The following HSPBP1 variants were observed in gnomAD, a reference collection of about 807,000 sequenced individuals.
HSPBP1 encodes HSPA (Hsp70) binding protein 1.
Under a neutral mutation model 41.7 loss-of-function variants are expected in HSPBP1, and 31 were observed. The observed-to-expected ratio is 0.74, with a 90% CI of 0.56 to 1.00. The LOEUF is 1.00. Ranked by LOEUF, HSPBP1 falls within the 50% of genes least tolerant of loss-of-function variation. The probability of loss-of-function intolerance (pLI) is 0.00; values close to 1 mark genes in which losing one functional copy is unlikely to be tolerated. For missense variants in HSPBP1, 439 were observed against 487.9 expected (o/e 0.90, Z 0.94); for synonymous variants, 199 against 214.4 (o/e 0.93, Z 0.63).
chr19:55,279,768 C>T (rs1183965946), intron 1 of HSPBP1, 66 bp from the exon 2 acceptor site: 2 of 1,514,382 alleles, frequency 1.3e-6, no homozygotes, highest in Non-Finnish European at 1.8e-6. Context: ...ACTCTGCCCC[C>T]AGCCCACTTA....
At position 55,265,232 on chromosome 19, in the gene HSPBP1, C is replaced by G. The variant is rs752101342; in HGVS notation, c.1005+46G>C. ...GTCCTCCTGGAGCCCTTGTCCCCTC[C>G]CCCTTGCACCTGGTCCTCCTTGCAC... On this transcript the variant is annotated intron_variant, in intron 7 of 7. Coordinates refer to ENST00000433386, the MANE Select transcript of HSPBP1 (RefSeq NM_012267.5). The G allele has an allele frequency of 4.0e-6, 5 of 1,250,432 alleles. No individual in the cohort carries two copies. The South Asian group carries it at 6.1e-5, about 15-fold the overall frequency. The allele number at this position is 1,250,432 out of a possible 1,614,324, so 77.5% of individuals were successfully genotyped here. A position where few individuals can be genotyped will look rare whatever the true frequency, so the allele number is the denominator to read the frequency against.
intron 2 of HSPBP1, among the ~76,000 whole-genome samples, chr19:55,278,192 G>A (rs549819667): frequency 1.3e-5 from 2 of 152,318 alleles, no homozygotes; most frequent in African/African-American, 2.4e-5. Context: ...AGGTTGCAGT[G>A]AGCCAAGATC....
In HSPBP1 at chr19:55,277,673, G is replaced by C. The variant is rs752203549; in HGVS notation, c.384C>G (p.Ala128=). ...CATTGTCCATGTTCTCACACAGGTC[G>C]GCCAGCAGCTCCAGGGCCCCCTCTC... ...QEREGALELL[A]DLCENMDNAA... Residue 128 remains alanine (A), a synonymous_variant, in exon 3 of 8, where the codon GCC becomes GCG. Coordinates refer to ENST00000433386, the MANE Select transcript of HSPBP1 (RefSeq NM_012267.5). 6.2e-7 allele frequency: 1 copy of C among 1,606,224 alleles called. No individual in the cohort carries two copies. Among genetic ancestry groups the C allele is most frequent in the South Asian group, 1.1e-5 (1 of 89,862 alleles).
rs370807972 is a variant in HSPBP1 at position 55,265,865 on chromosome 19, C to T, written c.893+21G>A. 19 of 1,573,130 alleles carry T rather than the reference C, an allele frequency of 1.2e-5. No individual in the cohort carries two copies. The African/African-American group carries it at 2.2e-4, about 18-fold the overall frequency. On this transcript the variant is annotated intron_variant, in intron 6 of 7. Transcript: ENST00000433386. ...ACGGGGCCCCCACCCCAGGCCCCGT[C>T]CTCTCAAGGAGCCAAAGTACCTGCA...
At chr19:55,266,047 G>A (rs921450667) in intron 5 of HSPBP1, 65 bp from the exon 6 acceptor site, 47 of 1,560,374 alleles carry the variant, frequency 3.0e-5, no homozygotes, top group Non-Finnish European at 4.1e-5. Context: ...TCCCCGGGAT[G>A]CCTGTTCCTC....
At chr19:55,273,853 T>A (rs1217106426) in intron 4 of HSPBP1, among the ~76,000 whole-genome samples, 1 of 151,802 alleles carries the variant, frequency 6.6e-6, no homozygotes. Context: ...GGCGGGAGGA[T>A]CCCTTGAGGC....
At chr19:55,271,046 C>T (rs967487876) in intron 4 of HSPBP1, among the ~76,000 whole-genome samples, 1 of 151,894 alleles carries the variant, frequency 6.6e-6, no homozygotes, top group East Asian at 1.9e-4. Context: ...CCACACACAC[C>T]CACATTTGTT....
Position 55,268,711 on chromosome 19 carries a change from C to T in HSPBP1, c.641-2425G>A, listed in dbSNP as rs761030615. 1.3e-5 allele frequency among the ~76,000 whole-genome samples: 2 copies of T among 152,052 alleles called. No homozygotes were observed. Among genetic ancestry groups the T allele is most frequent in the Non-Finnish European group, 2.9e-5 (2 of 68,010 alleles). On this transcript the variant is annotated intron_variant, in intron 4 of 7. Coordinates refer to ENST00000433386, the MANE Select transcript of HSPBP1 (RefSeq NM_012267.5). The surrounding 1 kb of genome is among the most constrained non-coding windows in gnomAD (Gnocchi z 4.5). Reference sequence around the variant, plus strand: ...TTTTTGAGACAGAGTCTCGCTCTGTCGCCCAGGCTGGAGTGCAGTGGCAGT... The same window carrying T: ...TTTTTGAGACAGAGTCTCGCTCTGTTGCCCAGGCTGGAGTGCAGTGGCAGT...
chr19:55,265,764 C>A, intron 6 of HSPBP1, 122 bp downstream of exon 6: 2 of 652,554 alleles, frequency 3.1e-6, no homozygotes, highest in East Asian at 5.5e-5. Context: ...TGGCCCCACA[C>A]CCTTCCTCTC....
chr19:55,269,543 C>A (rs1208538320), intron 4 of HSPBP1, among the ~76,000 whole-genome samples: 1 of 152,082 alleles, frequency 6.6e-6, no homozygotes, highest in South Asian at 2.1e-4. Context: ...GCTTATTCAG[C>A]GCTAAAAAGA....
chr19:55,274,304 TG>T, intron 4 of HSPBP1, 93 bp downstream of exon 4: 1 of 1,108,382 alleles, frequency 9.0e-7, no homozygotes, highest in South Asian at 1.5e-5. Context: ...GGGAAGGAGA[TG>T]CCTCTCCCTC....
At chr19:55,278,974 T>C (rs1346231976) in intron 2 of HSPBP1, among the ~76,000 whole-genome samples, 3 of 143,044 alleles carry the variant, frequency 2.1e-5, no homozygotes, top group South Asian at 4.4e-4. Flanking sequence ...GTGCTCTTCA[T>C]GAAAACACAC....
chr19:55,266,013 C>T, intron 5 of HSPBP1, 31 bp from the exon 6 acceptor site: 4 of 1,574,346 alleles, frequency 2.5e-6, no homozygotes, highest in Non-Finnish European at 3.5e-6. Flanking sequence ...GTCAGAGGGG[C>T]AGCCCCACCC....
In HSPBP1 at chr19:55,265,965, C is replaced by G. The variant is rs1336953635; in HGVS notation, c.814G>C (p.Gly272Arg). The change falls in exon 6 of 8, where the codon GGG (glycine) becomes CGG (arginine). Residue 272 changes from glycine (G) to arginine (R), a missense_variant. Gly to Arg is a moderately radical substitution (Grantham distance 125). Transcript: ENST00000433386. Reference sequence around the variant, plus strand: ...AGGGCCACCAGCTGCTGGACCATCCCCATGGAGCACAGGGTCCCTGGGGGG... The same window carrying G: ...AGGGCCACCAGCTGCTGGACCATCCGCATGGAGCACAGGGTCCCTGGGGGG... ...PEHKGTLCSM[G>R]MVQQLVALVR... 1.2e-6 allele frequency: 2 copies of G among 1,603,554 alleles called. No homozygotes were observed. The highest frequency in any genetic ancestry group is 1.7e-6 in the Non-Finnish European group (2 of 1,176,498).
rs941292333 is a variant in HSPBP1 at position 55,268,359 on chromosome 19, G to A, written c.641-2073C>T. Among the ~76,000 whole-genome samples, 14 of 152,126 alleles carry A rather than the reference G, an allele frequency of 9.2e-5. No individual in the cohort carries two copies. The highest frequency in any genetic ancestry group is 3.4e-4 in the African/African-American group (14 of 41,414). ...GCAGGAGAATCATTTGAACCCGGGA[G>A]GTGGAGGTTGCAGTGAGCCGAGATT... On this transcript the variant is annotated intron_variant, in intron 4 of 7. Coordinates refer to ENST00000433386, the MANE Select transcript of HSPBP1 (RefSeq NM_012267.5). The surrounding 1 kb of genome is among the most constrained non-coding windows in gnomAD (Gnocchi z 4.5).
chr19:55,265,342 T>C lies in HSPBP1; in HGVS notation c.941A>G (p.Glu314Gly), dbSNP rs1568959135. Residue 314 changes from glutamate (E) to glycine (G), a missense_variant, in exon 7 of 8, where the codon GAA becomes GGA. Coordinates refer to ENST00000433386, the MANE Select transcript of HSPBP1 (RefSeq NM_012267.5). ...GCGGAGGAGCTCCTCCAGGCCCAGTTCCGGCTCCCGACACTCGCGCACACC... is the reference window on the plus strand; with the variant it reads ...GCGGAGGAGCTCCTCCAGGCCCAGTCCCGGCTCCCGACACTCGCGCACACC... Reference protein sequence around the residue: ...PQGVRECREPELGLEELLRHR... With the variant: ...PQGVRECREPGLGLEELLRHR... 3 of 1,612,936 alleles carry C rather than the reference T, an allele frequency of 1.9e-6. No homozygotes were observed. The highest frequency in any genetic ancestry group is 2.5e-6 in the Non-Finnish European group (3 of 1,179,728).
At position 55,279,677 on chromosome 19, in the gene HSPBP1, G is replaced by A. The variant is rs1214913561; in HGVS notation, c.-69C>T. On this transcript the variant is annotated 5_prime_UTR_variant, in exon 2 of 8. The change creates a new upstream start codon in the 5' untranslated region. Coordinates refer to ENST00000433386, the MANE Select transcript of HSPBP1 (RefSeq NM_012267.5). ...TGGTCACCGCTGAAGCAGCTCTGGC[G>A]TCCTGATGGGTCGATTCTTGAGGGT... is the stretch of plus-strand genomic sequence containing the variant. 2 of 1,542,492 alleles carry A rather than the reference G, an allele frequency of 1.3e-6. No individual in the cohort carries two copies. The highest frequency in any genetic ancestry group is 8.7e-7 in the Non-Finnish European group (1 of 1,146,746).
At position 55,278,413 on chromosome 19, in the gene HSPBP1, ATG is replaced by A. The variant is rs201418804; in HGVS notation, c.211-569_211-568del. Among the ~76,000 whole-genome samples the A allele has an allele frequency of 8.5e-3, 1,301 of 152,294 alleles. 25 individuals carry two copies. The highest frequency in any genetic ancestry group is 0.03 in the African/African-American group (1,242 of 41,554). On this transcript the variant is annotated intron_variant, in intron 2 of 7. Transcript: ENST00000433386. Reference sequence around the variant, plus strand: ...TTGTAAAGGTTCAATGATATCATATATGTAAGTGGGTTAGCATAATGCTCTGT... The same window carrying A: ...TTGTAAAGGTTCAATGATATCATATATAAGTGGGTTAGCATAATGCTCTGT...
chr19:55,273,501 G>A (rs144234283), intron 4 of HSPBP1, among the ~76,000 whole-genome samples: 445 of 152,268 alleles, frequency 2.9e-3, no homozygotes, highest in African/African-American at 7.5e-3. Context: ...GATCCCTCCC[G>A]TGTGGAGGAG....
Sources: allele counts gnomAD v4.1 joint callset (sites outside exome capture counted in the v4.1 genomes callset), GRCh38; gene constraint gnomAD v4.1.1; non-coding constraint Gnocchi (gnomAD v3.1); transcripts MANE v1.5; gene names NCBI Gene and HGNC (gene_info 2026-07-23, HGNC 2026-07-21).